The following SEL1L3 variants were observed in gnomAD, a reference collection of about 807,000 sequenced individuals.
SEL1L3 encodes SEL1L family member 3, also known as protein sel-1 homolog 3.
A neutral mutation model predicts 142.8 loss-of-function variants in SEL1L3; 76 were observed. The ratio of observed to expected loss-of-function variants is 0.53; its 90% CI spans 0.44 to 0.64. The LOEUF is 0.64. Among genes scored for constraint, SEL1L3 ranks in the 30% least tolerant of loss-of-function variants. The pLI is 0.00. For synonymous variants in SEL1L3, 504 were observed against 519.6 expected, an observed-to-expected ratio of 0.97 and a Z score of 0.41; for missense variants, 1,262 against 1,381.7, an observed-to-expected ratio of 0.91 and a Z score of 1.37.
intron 1 of SEL1L3, among the ~76,000 whole-genome samples, chr4:25,856,747 A>G (rs1377046277): frequency 6.6e-6 from 1 of 152,222 alleles, no homozygotes; most frequent in African/African-American, 2.4e-5. Context: ...TAAAACTATC[A>G]ATATGACCTA....
chr4:25,773,828 G>C (rs973225153), intron 17 of SEL1L3, among the ~76,000 whole-genome samples: 6 of 152,006 alleles, frequency 3.9e-5, no homozygotes, highest in African/African-American at 1.5e-4. Flanking sequence ...TTTTGTTCCT[G>C]CAATTCCCTA....
chr4:25,785,780 T>C lies in SEL1L3; in HGVS notation c.2218-1490A>G, dbSNP rs374464630. Among the ~76,000 whole-genome samples, 642 of 152,294 alleles carry C rather than the reference T, an allele frequency of 4.2e-3. 5 individuals are homozygous for C. The highest frequency in any genetic ancestry group is 0.015 in the African/African-American group (613 of 41,556). On this transcript the variant is annotated intron_variant, in intron 13 of 23. Transcript: ENST00000399878. ...AAAGCATCAGAAAGACCAGAATCAC[T>C]GAACGTTAGCGCCTGGTTGAAGTAT...
intron 23 of SEL1L3, among the ~76,000 whole-genome samples, chr4:25,751,045 C>G (rs945677534): frequency 6.6e-6 from 1 of 152,164 alleles, no homozygotes; most frequent in Non-Finnish European, 1.5e-5. Flanking sequence ...ATAGTGACTT[C>G]TATTTTCCAC....
At chr4:25,785,692 G>C (rs1270270003) in intron 13 of SEL1L3, among the ~76,000 whole-genome samples, 1 of 152,158 alleles carries the variant, frequency 6.6e-6, no homozygotes, top group African/African-American at 2.4e-5. Context: ...AGAGGGAAAA[G>C]GACATAGAAG....
Position 25,760,695 on chromosome 4 carries a change from A to G in SEL1L3, c.2956-1627T>C, listed in dbSNP as rs115579367. 8.3e-4 allele frequency among the ~76,000 whole-genome samples: 126 copies of G among 152,308 alleles called. 1 individual carries two copies. Among genetic ancestry groups the G allele is most frequent in the African/African-American group, 2.9e-3 (119 of 41,568 alleles). ...TCCCTCTGACCTTGCCTCTGACCGC[A>G]ATCTAAATGAAAATCATCATTTACC... On this transcript the variant is annotated intron_variant, in intron 20 of 23. Transcript: ENST00000399878.
chr4:25,804,351 G>A (rs1435726123), intron 10 of SEL1L3, among the ~76,000 whole-genome samples, 190 bp downstream of exon 10: 1 of 152,164 alleles, frequency 6.6e-6, no homozygotes, highest in Non-Finnish European at 1.5e-5. Context: ...TGGATGAAGT[G>A]CCCTTTTTCA....
In SEL1L3 at chr4:25,776,260, G is replaced by T. The variant is rs376675043; in HGVS notation, c.2669+17C>A. On this transcript the variant is annotated intron_variant, in intron 17 of 23. Coordinates refer to ENST00000399878, the MANE Select transcript of SEL1L3 (RefSeq NM_015187.5). ...GACAGGGAAAAAAGTTTGCTCTAAC[G>T]TGGATCCCAAGCTTACCATGAACCT... 4.4e-6 allele frequency: 7 copies of T among 1,584,238 alleles called. No individual in the cohort carries two copies. Among genetic ancestry groups the T allele is most frequent in the African/African-American group, 1.4e-5 (1 of 74,050 alleles).
intron 17 of SEL1L3, among the ~76,000 whole-genome samples, chr4:25,770,774 GA>G (rs1266991971): frequency 6.9e-6 from 1 of 144,754 alleles, no homozygotes; most frequent in East Asian, 2.0e-4. Flanking sequence ...GAAAAGAAAA[GA>G]AAAAAAAGAA....
At chr4:25,830,626 C>T (rs1715373637) in intron 5 of SEL1L3, among the ~76,000 whole-genome samples, 1 of 152,164 alleles carries the variant, frequency 6.6e-6, no homozygotes, top group Admixed American at 6.5e-5. Context: ...CTCATTTTAA[C>T]AGGGACACTA....
At chr4:25,823,285 G>T (rs1469378227) in intron 6 of SEL1L3, among the ~76,000 whole-genome samples, 1 of 152,202 alleles carries the variant, frequency 6.6e-6, no homozygotes, top group Non-Finnish European at 1.5e-5. Context: ...GGAGGCCAAG[G>T]TGGGCAGATC....
the SEL1L3 span, among the ~76,000 whole-genome samples, chr4:25,724,772 G>GAAA: frequency 1.4e-4 from 6 of 42,764 alleles, no homozygotes; most frequent in Admixed American, 4.5e-4. Context: ...AAAAAAAAAA[G>GAAA]GAAAAGAAAT....
chr4:25,771,100 A>C (rs958610925), intron 17 of SEL1L3, among the ~76,000 whole-genome samples: 1 of 152,270 alleles, frequency 6.6e-6, no homozygotes, highest in Non-Finnish European at 1.5e-5. Context: ...GTTTCAACAG[A>C]CGCTATCTGA....
At chr4:25,739,494 C>T in the SEL1L3 span, among the ~76,000 whole-genome samples, 2 of 151,866 alleles carry the variant, frequency 1.3e-5, no homozygotes, top group Non-Finnish European at 2.9e-5. Flanking sequence ...ATCACGAGGT[C>T]AAGAGATCGA....
intron 5 of SEL1L3, among the ~76,000 whole-genome samples, chr4:25,831,638 G>A (rs1269088915): frequency 6.6e-6 from 1 of 151,526 alleles, no homozygotes; most frequent in African/African-American, 2.4e-5. Flanking sequence ...CGAGTCTCCT[G>A]CCTCAGCCTC....
chr4:25,795,570 T>C (rs1712676819), intron 11 of SEL1L3, among the ~76,000 whole-genome samples: 1 of 152,246 alleles, frequency 6.6e-6, no homozygotes, highest in South Asian at 2.1e-4. Context: ...CAGACCATCA[T>C]GGCTCCCATG....
intron 9 of SEL1L3, among the ~76,000 whole-genome samples, chr4:25,814,907 C>G (rs190071279): frequency 6.6e-6 from 1 of 152,188 alleles, no homozygotes; most frequent in Admixed American, 6.5e-5. Context: ...GGCACTGTGC[C>G]AGGTAGAGAG....
intron 13 of SEL1L3, among the ~76,000 whole-genome samples, chr4:25,786,215 C>T (rs1038740765): frequency 2.0e-5 from 3 of 152,056 alleles, no homozygotes; most frequent in African/African-American, 2.4e-5. Context: ...GCATAAAGCC[C>T]AATGCCCCCA....
chr4:25,833,407 A>C, intron 4 of SEL1L3, 41 bp downstream of exon 4: 1 of 1,584,422 alleles, frequency 6.3e-7, no homozygotes, highest in Non-Finnish European at 8.6e-7. Context: ...AGAGCATTAC[A>C]AAATTACAAT....
Position 25,842,138 on chromosome 4 carries a change from G to T in SEL1L3, c.733+5156C>A, listed in dbSNP as rs972852450. Among the ~76,000 whole-genome samples the T allele has an allele frequency of 2.0e-5, 3 of 151,916 alleles. No individual in the cohort carries two copies. The East Asian group carries it at 5.8e-4, about 29-fold the overall frequency. ...GAAATTGATACATAGTAGGTGCTCA[G>T]TCAATCTTTGTTTAATTGAATGAAT... is the stretch of plus-strand genomic sequence containing the variant. On this transcript the variant is annotated intron_variant, in intron 2 of 23. Transcript: ENST00000399878.
Sources: gnomAD v4.1 joint callset for allele counts (sites outside exome capture counted in the v4.1 genomes callset) on GRCh38, gnomAD v4.1.1 for gene constraint, MANE v1.5 for transcripts, NCBI Gene and HGNC (gene_info 2026-07-23, HGNC 2026-07-21) for gene names.